The following TRAPPC2L variants were observed in gnomAD, a reference collection of about 807,000 sequenced individuals.
The protein encoded by TRAPPC2L is trafficking protein particle complex subunit 2-like protein.
Under a neutral mutation model 13.2 loss-of-function variants are expected in TRAPPC2L, and 17 were observed. The ratio of observed to expected loss-of-function variants is 1.29; its 90% CI spans 0.88 to 1.93. TRAPPC2L has a LOEUF of 1.93. Ranked by LOEUF, TRAPPC2L falls within the 30% of genes most tolerant of loss-of-function variation. The pLI is 0.00. For missense variants in TRAPPC2L, 359 were observed against 252.1 expected, an observed-to-expected ratio of 1.42 and a Z score of -2.87; for synonymous variants, 150 against 98.1, an observed-to-expected ratio of 1.53 and a Z score of -3.12.
exon 4 of TRAPPC2L, chr16:88,861,542 G>A: frequency 7.0e-6 from 3 of 427,480 alleles, no homozygotes; most frequent in Non-Finnish European, 9.9e-6. Context: ...CGTTGGCTCA[G>A]CTGCAGCCCT....
At chr16:88,859,571 A>G (rs756172170) in intron 2 of TRAPPC2L, 92 bp from the exon 3 acceptor site, 1 of 1,191,078 alleles carries the variant, frequency 8.4e-7, no homozygotes, top group Non-Finnish European at 1.3e-6. Context: ...CTGTGATTCA[A>G]GGTTGCCACA....
exon 4 of TRAPPC2L, chr16:88,859,925 C>A: frequency 6.5e-7 from 1 of 1,549,500 alleles, no homozygotes; most frequent in Non-Finnish European, 8.6e-7. Flanking sequence ...CCTACACAGA[C>A]GTGATGTGCA....
exon 4 of TRAPPC2L, chr16:88,860,432 G>C: frequency 6.6e-6 from 4 of 606,228 alleles, no homozygotes; most frequent in Non-Finnish European, 8.8e-6. Context: ...GGAAATGTGG[G>C]GTCCATGCCC....
chr16:88,860,617 T>A (rs898570287), exon 4 of TRAPPC2L: 1 of 591,260 alleles, frequency 1.7e-6, no homozygotes, highest in Non-Finnish European at 3.0e-6. Context: ...CAGTCTTGCC[T>A]CCTGGGCTGC....
At chr16:88,861,152 TAAG>T (rs1182981763) in exon 4 of TRAPPC2L, 2 of 612,822 alleles carry the variant, frequency 3.3e-6, no homozygotes, top group East Asian at 2.8e-5. Flanking sequence ...AGGATTTAAT[TAAG>T]AAGAATTCAA....
At chr16:88,861,431 C>G in exon 4 of TRAPPC2L, 1 of 347,462 alleles carries the variant, frequency 2.9e-6, no homozygotes, top group South Asian at 2.1e-5. Context: ...CCTCCTCTTT[C>G]TGGACTTGGC....
At chr16:88,856,434 G>A, upstream of TRAPPC2L, 1 of 700,762 alleles carries the variant, frequency 1.4e-6, no homozygotes, top group East Asian at 2.7e-5. Flanking sequence ...GGGCCCGGTA[G>A]CACGCCGGCC....
At chr16:88,857,985 G>C (rs558155596) in intron 1 of TRAPPC2L, among the ~76,000 whole-genome samples, 1 of 152,322 alleles carries the variant, frequency 6.6e-6, no homozygotes, top group Admixed American at 6.5e-5. Context: ...TCTTGGCCAA[G>C]ATGATCATTT....
In TRAPPC2L at chr16:88,861,687, G is replaced by A. The variant is rs11864319; in HGVS notation, c.*1363G>A. 460 of 482,306 alleles carry A rather than the reference G, an allele frequency of 9.5e-4. 1 individual carries two copies. Among genetic ancestry groups the A allele is most frequent in the African/African-American group, 8.1e-3 (411 of 50,888 alleles). The allele number at this position is 482,306 out of a possible 1,614,324, so 29.9% of individuals were successfully genotyped here. On this transcript the variant is annotated 3_prime_UTR_variant, in exon 4 of 4. Transcript: ENST00000565504. ...CGGCCGAGCCCATAGTGGCGTCAGTGCCGCCGGCGTCCTTGGGGTCCAGCG... is the reference window on the plus strand; with the variant it reads ...CGGCCGAGCCCATAGTGGCGTCAGTACCGCCGGCGTCCTTGGGGTCCAGCG...
upstream of TRAPPC2L, chr16:88,856,450 C>T (rs1479223538): frequency 4.3e-6 from 3 of 700,508 alleles, no homozygotes; most frequent in African/African-American, 5.2e-5. Flanking sequence ...CGGCCACCCA[C>T]CTGCCAGGGA....
chr16:88,857,499 C>T (rs1370325844), intron 1 of TRAPPC2L: 4 of 368,068 alleles, frequency 1.1e-5, no homozygotes, highest in East Asian at 4.2e-5. Context: ...AGGTTCTGCC[C>T]GTTCTCCCGT....
upstream of TRAPPC2L, chr16:88,856,939 C>T (rs1014636026): frequency 2.7e-6 from 4 of 1,463,138 alleles, no homozygotes; most frequent in Admixed American, 2.6e-5. Flanking sequence ...TCCGCCGGCC[C>T]TTCCGGCTGG....
intron 1 of TRAPPC2L, chr16:88,857,498 C>T (rs568342902): frequency 2.7e-6 from 1 of 369,940 alleles, no homozygotes; most frequent in South Asian, 6.5e-5. Context: ...CAGGTTCTGC[C>T]CGTTCTCCCG....
chr16:88,856,766 T>C (rs1306083557), upstream of TRAPPC2L: 1 of 1,467,026 alleles, frequency 6.8e-7, no homozygotes, highest in African/African-American at 1.4e-5. Flanking sequence ...ACGTCGTCCA[T>C]GAGCAGGAGC....
At chr16:88,859,719 A>G (rs570241962) in exon 3 of TRAPPC2L, 4 of 1,614,062 alleles carry the variant, frequency 2.5e-6, no homozygotes, top group Non-Finnish European at 3.4e-6. Flanking sequence ...GATTCCTCCA[A>G]CACAGCCCTT....
At chr16:88,856,666 G>A, upstream of TRAPPC2L, 1 of 317,350 alleles carries the variant, frequency 3.2e-6, no homozygotes. Flanking sequence ...CCCCCACCCC[G>A]CCCGCCCTTC....
chr16:88,859,572 G>A (rs1015321311), intron 2 of TRAPPC2L, 91 bp from the exon 3 acceptor site: 1 of 1,208,216 alleles, frequency 8.3e-7, no homozygotes, highest in Non-Finnish European at 1.2e-6. Flanking sequence ...TGTGATTCAA[G>A]GTTGCCACAT....
chr16:88,861,053 C>G, exon 4 of TRAPPC2L: 2 of 1,288,226 alleles, frequency 1.6e-6, no homozygotes, highest in Non-Finnish European at 1.1e-6. Context: ...AATGGGACGC[C>G]TGGGGCTTTC....
At chr16:88,859,099 G>T in intron 2 of TRAPPC2L, 1 of 466,202 alleles carries the variant, frequency 2.1e-6, no homozygotes, top group Non-Finnish European at 3.9e-6. Context: ...GCTTTTCAGG[G>T]GGAGCCACCA....
Sources: allele counts gnomAD v4.1 joint callset (sites outside exome capture counted in the v4.1 genomes callset), GRCh38; gene constraint gnomAD v4.1.1; transcripts MANE v1.5; gene names NCBI Gene and HGNC (gene_info 2026-07-23, HGNC 2026-07-21).